Variants in ABCD3 observed in about 807,000 individuals in gnomAD.
The protein encoded by ABCD3 is ATP binding cassette subfamily D member 3, also known as ATP-binding cassette sub-family D member 3.
ABCD3 carries 41 observed loss-of-function variants against 105.5 expected under a neutral mutation model. That is an observed-to-expected ratio of 0.39 (90% CI 0.30 to 0.50). ABCD3 has a LOEUF of 0.50. Ranked by LOEUF, ABCD3 falls within the 20% of genes least tolerant of loss-of-function variation. ABCD3 has a pLI of 0.84. For synonymous variants in ABCD3, 258 were observed against 269.0 expected (o/e 0.96, Z 0.40); for missense variants, 622 against 806.3 (o/e 0.77, Z 2.77).
chr1:94,487,224 T>C (rs1649317992), intron 10 of ABCD3, among the ~76,000 whole-genome samples: 1 of 152,210 alleles, frequency 6.6e-6, no homozygotes, highest in Admixed American at 6.5e-5. Context: ...TTTTGGGATA[T>C]GTGTATCCAA....
chr1:94,437,764 A>G (rs1659959813), intron 1 of ABCD3, among the ~76,000 whole-genome samples: 1 of 152,204 alleles, frequency 6.6e-6, no homozygotes, highest in Non-Finnish European at 1.5e-5. Context: ...ATAAATAGAA[A>G]ACCTGGAAAG....
intron 1 of ABCD3, among the ~76,000 whole-genome samples, chr1:94,454,367 A>T (rs1363408774): frequency 6.6e-6 from 1 of 152,174 alleles, no homozygotes; most frequent in African/African-American, 2.4e-5. Context: ...TTTAGGGCTT[A>T]TGTTCAGTAT....
intron 15 of ABCD3, among the ~76,000 whole-genome samples, chr1:94,490,979 ATT>A (rs1378197570): frequency 6.6e-6 from 1 of 151,976 alleles, no homozygotes; most frequent in Non-Finnish European, 1.5e-5. Context: ...GTGATGTCTC[ATT>A]GTGGTTTTGA....
Position 94,478,321 on chromosome 1 carries a change from T to C in ABCD3, c.684+6T>C, listed in dbSNP as rs2101002347. ...CGAGTGCAATTGGAGCTCAGGTGAG[T>C]CTGCTTTTATTTCAACTTTTAAATT... On this transcript the variant is annotated splice_donor_region_variant and intron_variant, in intron 8 of 22. Coordinates refer to ENST00000370214, the MANE Select transcript of ABCD3 (RefSeq NM_002858.4). 1 of 1,595,288 alleles carries C rather than the reference T, an allele frequency of 6.3e-7. No homozygotes were observed. The highest frequency in any genetic ancestry group is 1.1e-5 in the South Asian group (1 of 89,700).
intron 13 of ABCD3, among the ~76,000 whole-genome samples, chr1:94,488,277 G>T (rs1044860181): frequency 5.9e-5 from 9 of 152,026 alleles, no homozygotes; most frequent in Admixed American, 3.3e-4. Context: ...AGAAAACTAT[G>T]TTTATGAATA....
rs1647705813 is a variant in ABCD3 at position 94,458,586 on chromosome 1, C to G, written c.111-21C>G. On this transcript the variant is annotated intron_variant, in intron 1 of 22. Transcript: ENST00000370214. ...CTTTTCACATAAAGTAAAGCTCTCT[C>G]TCTCTTTTTTTCCTCTGCAGTAAGA... The G allele has an allele frequency of 3.1e-6, 5 of 1,607,498 alleles. No individual in the cohort carries two copies. In the East Asian group the frequency reaches 8.9e-5, roughly 29 times the overall value.
At chr1:94,509,578 T>C (rs1650552808) in intron 21 of ABCD3, among the ~76,000 whole-genome samples, 1 of 152,190 alleles carries the variant, frequency 6.6e-6, no homozygotes, top group Non-Finnish European at 1.5e-5. Context: ...AGTTCCTCCT[T>C]GTACCTCTGG....
chr1:94,489,509 G>A (rs1216970425), intron 13 of ABCD3, among the ~76,000 whole-genome samples: 1 of 151,966 alleles, frequency 6.6e-6, no homozygotes, highest in Non-Finnish European at 1.5e-5. Flanking sequence ...TTGAGTTGGG[G>A]ATCCTATGGA....
Position 94,483,857 on chromosome 1 carries a change from A to G in ABCD3, c.897+618A>G, listed in dbSNP as rs574001738. 1.2e-3 allele frequency among the ~76,000 whole-genome samples: 182 copies of G among 152,264 alleles called. 1 individual carries two copies. Among genetic ancestry groups the G allele is most frequent in the African/African-American group, 3.9e-3 (162 of 41,544 alleles). Reference sequence around the variant, plus strand: ...AAACTACCATCAGAGTGAACAGGCAACCTACAGAATGGGAGAAATTTTTTG... The same window carrying G: ...AAACTACCATCAGAGTGAACAGGCAGCCTACAGAATGGGAGAAATTTTTTG... On this transcript the variant is annotated intron_variant, in intron 10 of 22. Coordinates refer to ENST00000370214, the MANE Select transcript of ABCD3 (RefSeq NM_002858.4).
intron 1 of ABCD3, among the ~76,000 whole-genome samples, chr1:94,443,451 G>A (rs1196144299): frequency 6.6e-6 from 1 of 152,132 alleles, no homozygotes; most frequent in Non-Finnish European, 1.5e-5. Flanking sequence ...TTGTGTAGAA[G>A]CTTTTTAGTT....
intron 1 of ABCD3, among the ~76,000 whole-genome samples, chr1:94,458,342 TAC>T (rs1258109717): frequency 2.0e-5 from 3 of 152,218 alleles, no homozygotes; most frequent in African/African-American, 7.2e-5. Context: ...TTTGTATTTA[TAC>T]ACACACATAC....
intron 1 of ABCD3, among the ~76,000 whole-genome samples, chr1:94,433,657 C>CT (rs1659780915): frequency 1.6e-5 from 2 of 124,718 alleles, no homozygotes; most frequent in African/African-American, 5.8e-5. Flanking sequence ...CTAAACATGT[C>CT]TTTTTTTTAG....
At chr1:94,450,168 T>G (rs1660523065) in intron 1 of ABCD3, among the ~76,000 whole-genome samples, 1 of 152,272 alleles carries the variant, frequency 6.6e-6, no homozygotes, top group African/African-American at 2.4e-5. Flanking sequence ...GTGATTTCAC[T>G]GATGATTATG....
chr1:94,473,675 T>G, intron 4 of ABCD3, 91 bp from the exon 5 acceptor site: 1 of 1,042,502 alleles, frequency 9.6e-7, no homozygotes. Context: ...AATAGAAGTT[T>G]CCAAGAGTAA....
At chr1:94,507,288 A>T (rs1053713490) in intron 21 of ABCD3, among the ~76,000 whole-genome samples, 12 of 151,946 alleles carry the variant, frequency 7.9e-5, no homozygotes, top group Non-Finnish European at 1.8e-4. Context: ...ATGATTTCCA[A>T]TTTCATCCAT....
At chr1:94,434,100 G>T (rs549270307) in intron 1 of ABCD3, among the ~76,000 whole-genome samples, 16 of 152,160 alleles carry the variant, frequency 1.1e-4, no homozygotes, top group African/African-American at 3.9e-4. Flanking sequence ...ATGAGTGAAT[G>T]TGAAGGCCTA....
chr1:94,468,661 T>G (rs980081168), intron 4 of ABCD3, among the ~76,000 whole-genome samples: 3 of 152,252 alleles, frequency 2.0e-5, no homozygotes, highest in Admixed American at 2.0e-4. Context: ...CTAGGAATTT[T>G]ATTTCCTGGT....
intron 1 of ABCD3, among the ~76,000 whole-genome samples, chr1:94,420,084 A>T (rs553909253): frequency 3.9e-5 from 6 of 152,204 alleles, no homozygotes; most frequent in Non-Finnish European, 7.3e-5. Context: ...GGACAGCCCT[A>T]CAAGTTCTGG....
At chr1:94,395,657 A>G in the ABCD3 span, among the ~76,000 whole-genome samples, 2 of 152,230 alleles carry the variant, frequency 1.3e-5, no homozygotes, top group African/African-American at 4.8e-5. Context: ...CACAGTGCAG[A>G]GTGCCAAAGA....
Sources: allele counts gnomAD v4.1 joint callset (sites outside exome capture counted in the v4.1 genomes callset), GRCh38; gene constraint gnomAD v4.1.1; transcripts MANE v1.5; gene names NCBI Gene and HGNC (gene_info 2026-07-23, HGNC 2026-07-21).